Variants in LAMA3 observed in about 807,000 individuals in gnomAD.
LAMA3 encodes the protein laminin subunit alpha-3.
In LAMA3, 281 loss-of-function variants were observed where a neutral mutation model predicts 402.0. That is an observed-to-expected ratio of 0.70 (90% CI 0.63 to 0.77). The LOEUF is 0.77. LAMA3 is among the 30% of genes least tolerant of loss of function. The probability of loss-of-function intolerance (pLI) is 0.00; values close to 1 mark genes in which losing one functional copy is unlikely to be tolerated. For synonymous variants in LAMA3, 1,431 were observed against 1,558.4 expected (o/e 0.92, Z 1.93); for missense variants, 3,840 against 4,215.5 (o/e 0.91, Z 2.47).
At chr18:23,930,205 A>G (rs2082122527) in intron 64 of LAMA3, among the ~76,000 whole-genome samples, 1 of 152,246 alleles carries the variant, frequency 6.6e-6, no homozygotes, top group South Asian at 2.1e-4. Context: ...GAGATTGCAC[A>G]TTTTTTAAAT....
intron 1 of LAMA3, 97 bp downstream of exon 1, chr18:23,690,074 T>G (rs963821882): frequency 1.4e-3 from 1,184 of 817,830 alleles, no homozygotes; most frequent in Non-Finnish European, 1.5e-3. Context: ...TCACGCGCGC[T>G]AGTGGCTCCG....
Position 23,951,804 on chromosome 18 carries a change from A to G in LAMA3, c.9736+27A>G, listed in dbSNP as rs1195617187. ...TATGTTGTCCAGTAGCTGATTGTTC[A>G]TGCACTAAAACAGGCCCCCTTTCCA... is the stretch of plus-strand genomic sequence containing the variant. On this transcript the variant is annotated intron_variant, in intron 73 of 74. Transcript: ENST00000313654. 5.8e-6 allele frequency: 9 copies of G among 1,545,828 alleles called. No homozygotes were observed. In the South Asian group the frequency reaches 1.0e-4, roughly 17 times the overall value.
At chr18:23,789,605 C>T (rs1568185865) in intron 12 of LAMA3, among the ~76,000 whole-genome samples, 1 of 152,078 alleles carries the variant, frequency 6.6e-6, no homozygotes, top group East Asian at 1.9e-4. Flanking sequence ...ATGAAATGTC[C>T]AGGATAGGAA....
At chr18:23,937,078 G>A (rs1174519539) in intron 67 of LAMA3, among the ~76,000 whole-genome samples, 1 of 152,100 alleles carries the variant, frequency 6.6e-6, no homozygotes, top group Non-Finnish European at 1.5e-5. Flanking sequence ...CAAAAGAGTC[G>A]GGGCTGGCTG....
Position 23,743,864 on chromosome 18 carries a change from T to G in LAMA3, c.448-4079T>G, listed in dbSNP as rs573293201. Reference sequence around the variant, plus strand: ...ACGATCTCTTTGAAAATGCACAACTTTGCCTTTCTACCTACAGTGGCTCCA... The same window carrying G: ...ACGATCTCTTTGAAAATGCACAACTGTGCCTTTCTACCTACAGTGGCTCCA... On this transcript the variant is annotated intron_variant, in intron 2 of 74. Coordinates refer to ENST00000313654, the MANE Select transcript of LAMA3 (RefSeq NM_198129.4). Among the ~76,000 whole-genome samples, 5 of 152,272 alleles carry G rather than the reference T, an allele frequency of 3.3e-5. No homozygotes were observed. The South Asian group carries it at 1.0e-3, about 32-fold the overall frequency.
At position 23,901,269 on chromosome 18, in the gene LAMA3, C is replaced by G. The variant is rs1154226; in HGVS notation, c.6147C>G (p.Ala2049=). 0.26 allele frequency: 413,329 copies of G among 1,613,664 alleles called. 55,712 individuals are homozygous for G. The highest frequency in any genetic ancestry group is 0.28 in the Non-Finnish European group (324,501 of 1,179,686). The change falls in exon 48 of 75, where the codon GCC becomes GCG. Residue 2049 remains alanine, a synonymous_variant. Transcript: ENST00000313654. ...RARLQEAAAQ[A]KQANGLNQEN... ...GGCTGCAGGAGGCAGCTGCCCAAGC[C>G]AAGCAGGCAAATGGCTTGAACCAAG...
At chr18:23,767,318 C>T (rs999146164) in intron 8 of LAMA3, among the ~76,000 whole-genome samples, 10 of 152,128 alleles carry the variant, frequency 6.6e-5, no homozygotes, top group South Asian at 2.1e-4. Context: ...ACAGATTCAA[C>T]GCTATTTCTA....
rs1386199393 is a variant in LAMA3, at chr18:23,810,412, A to C, written c.1650A>C (p.Ser550=). Residue 550 remains serine (S), a synonymous_variant, in exon 13 of 75, where the codon TCA becomes TCC. Coordinates refer to ENST00000313654, the MANE Select transcript of LAMA3 (RefSeq NM_198129.4). The stretch of plus-strand genomic sequence containing the variant: ...GATCCTACCAGATGCCCTGCAGCTC[A>C]GTGACTGGACAGTGTGAATGTCGGC... ...ALGSYQMPCS[S]VTGQCECRPG... 1 of 1,614,148 alleles carries C rather than the reference A, an allele frequency of 6.2e-7. No homozygotes were observed.
Position 23,842,594 on chromosome 18 carries a change from CT to C in LAMA3, c.3464-16del, listed in dbSNP as rs1568243784. On this transcript the variant is annotated splice_polypyrimidine_tract_variant and intron_variant, in intron 28 of 74. Coordinates refer to ENST00000313654, the MANE Select transcript of LAMA3 (RefSeq NM_198129.4). ...CAGTCCGGTGCATGACAGAAAGTCT[CT>C]CTCTCTCTCTGCCAGGCTCCTTCCA... The C allele has an allele frequency of 1.3e-6, 2 of 1,584,148 alleles. No homozygotes were observed. The highest frequency in any genetic ancestry group is 1.1e-5 in the South Asian group (1 of 88,484).
At chr18:23,724,416 GT>G (rs1298072375) in intron 2 of LAMA3, among the ~76,000 whole-genome samples, 1 of 152,182 alleles carries the variant, frequency 6.6e-6, no homozygotes, top group Non-Finnish European at 1.5e-5. Context: ...CTTCCTTGGA[GT>G]TTTCCTGATG....
At chr18:23,791,764 AC>A (rs1568188165) in intron 12 of LAMA3, among the ~76,000 whole-genome samples, 1 of 149,860 alleles carries the variant, frequency 6.7e-6, no homozygotes, top group Non-Finnish European at 1.5e-5. Flanking sequence ...AAACCACAAA[AC>A]CCCCCAAAAA....
chr18:23,945,786 A>G (rs1442251959), intron 69 of LAMA3, among the ~76,000 whole-genome samples: 1 of 152,156 alleles, frequency 6.6e-6, no homozygotes, highest in Non-Finnish European at 1.5e-5. Context: ...CGTCCCCAGC[A>G]CTGTATAAAC....
intron 69 of LAMA3, 60 bp downstream of exon 69, chr18:23,944,031 T>C: frequency 6.6e-7 from 1 of 1,512,520 alleles, no homozygotes; most frequent in Non-Finnish European, 9.1e-7. Context: ...TTGGAGTCGC[T>C]GAAAATAGGA....
intron 61 of LAMA3, 133 bp downstream of exon 61, chr18:23,921,187 T>G: frequency 9.2e-7 from 1 of 1,092,380 alleles, no homozygotes; most frequent in Non-Finnish European, 1.3e-6. Flanking sequence ...GAGGGATATA[T>G]CCTTTTAAAA....
intron 2 of LAMA3, among the ~76,000 whole-genome samples, chr18:23,739,130 G>A (rs1449787539): frequency 1.3e-5 from 2 of 152,206 alleles, no homozygotes; most frequent in Admixed American, 1.3e-4. Flanking sequence ...CCTTCTTAGA[G>A]TGCAGGTTGG....
intron 17 of LAMA3, 42 bp downstream of exon 17, chr18:23,815,615 T>C (rs766254685): frequency 8.1e-7 from 1 of 1,231,004 alleles, no homozygotes; most frequent in Non-Finnish European, 1.2e-6. Context: ...ACAGTGTTGA[T>C]GGACAAAGAT....
intron 30 of LAMA3, 123 bp downstream of exon 30, chr18:23,845,247 TG>T: frequency 1.4e-6 from 1 of 698,508 alleles, no homozygotes; most frequent in Non-Finnish European, 2.6e-6. Flanking sequence ...CCCAAGAGAG[TG>T]TCAGTGAGTC....
At chr18:23,703,129 G>C (rs1377431427) in intron 1 of LAMA3, among the ~76,000 whole-genome samples, 1 of 152,156 alleles carries the variant, frequency 6.6e-6, no homozygotes, top group African/African-American at 2.4e-5. Flanking sequence ...GACTGCAGTG[G>C]GCAGAAGAAT....
At chr18:23,785,744 A>G (rs2062531426) in intron 12 of LAMA3, among the ~76,000 whole-genome samples, 1 of 152,148 alleles carries the variant, frequency 6.6e-6, no homozygotes, top group African/African-American at 2.4e-5. Flanking sequence ...CTTGTGGCTG[A>G]AAATATATCA....
Sources: gnomAD v4.1 joint callset for allele counts (sites outside exome capture counted in the v4.1 genomes callset) on GRCh38, gnomAD v4.1.1 for gene constraint, MANE v1.5 for transcripts, NCBI Gene and HGNC (gene_info 2026-07-23, HGNC 2026-07-21) for gene names.